SLC24A4: variants seen among roughly 807,000 people sequenced by gnomAD.
SLC24A4 encodes sodium/potassium/calcium exchanger 4.
Under a neutral mutation model 79.0 loss-of-function variants are expected in SLC24A4, and 53 were observed. The ratio of observed to expected loss-of-function variants is 0.67; its 90% CI spans 0.54 to 0.84. SLC24A4 has a LOEUF of 0.84. Among genes scored for constraint, SLC24A4 ranks in the 40% least tolerant of loss-of-function variants. The pLI, the probability that SLC24A4 is intolerant of heterozygous loss-of-function variation, is 0.00. For missense variants in SLC24A4, 731 were observed against 822.0 expected, an observed-to-expected ratio of 0.89 and a Z score of 1.35; for synonymous variants, 323 against 323.8, an observed-to-expected ratio of 1.00 and a Z score of 0.03.
rs939229035 is a variant in SLC24A4 at position 92,433,846 on chromosome 14, G to T, written c.242-66G>T. On this transcript the variant is annotated intron_variant, in intron 2 of 16. Transcript: ENST00000532405. ...GCAGTTCCTTAGTGAACTCTCAGAA[G>T]TCAAGTGAGGTTTGTCGGGAGGCCC... The T allele has an allele frequency of 2.5e-5, 35 of 1,376,382 alleles. No individual in the cohort carries two copies. In the Admixed American group the frequency reaches 5.7e-4, roughly 22 times the overall value. 85.3% of individuals were successfully genotyped at this position (1,376,382 alleles called of 1,614,324 possible).
chr14:92,326,324 C>T (rs559799689), intron 2 of SLC24A4, among the ~76,000 whole-genome samples: 1 of 152,208 alleles, frequency 6.6e-6, no homozygotes, highest in African/African-American at 2.4e-5. Context: ...TCACTGTATC[C>T]ATTACTGGAG....
chr14:92,444,925 A>G (rs905832512), intron 7 of SLC24A4, among the ~76,000 whole-genome samples: 1 of 73,658 alleles, frequency 1.4e-5, no homozygotes, highest in Admixed American at 1.9e-4. Context: ...CCCTATATAC[A>G]CACACATACA....
intron 12 of SLC24A4, among the ~76,000 whole-genome samples, chr14:92,478,588 C>T (rs1360702545): frequency 1.3e-5 from 2 of 151,490 alleles, no homozygotes; most frequent in African/African-American, 2.4e-5. Flanking sequence ...AGCAGTCTCT[C>T]CTGATTACTG....
intron 2 of SLC24A4, among the ~76,000 whole-genome samples, chr14:92,402,557 T>C (rs1890169787): frequency 6.6e-6 from 1 of 152,158 alleles, no homozygotes; most frequent in Non-Finnish European, 1.5e-5. Context: ...TCAATTTTCA[T>C]GGTGCTGATA....
intron 2 of SLC24A4, among the ~76,000 whole-genome samples, chr14:92,399,927 T>G (rs891900612): frequency 1.3e-5 from 2 of 151,568 alleles, no homozygotes; most frequent in Non-Finnish European, 2.9e-5. Flanking sequence ...TGAGACAGAG[T>G]TTTACTCTGT....
intron 4 of SLC24A4, among the ~76,000 whole-genome samples, chr14:92,439,932 G>A (rs550447836): frequency 1.3e-5 from 2 of 152,374 alleles, no homozygotes; most frequent in South Asian, 4.1e-4. Flanking sequence ...AGATCCCAGT[G>A]TATCTCATTG....
At chr14:92,484,009 C>A in intron 13 of SLC24A4, 2 of 985,356 alleles carry the variant, frequency 2.0e-6, no homozygotes, top group Non-Finnish European at 2.4e-6. Context: ...AGCGCTGAAT[C>A]CTAGTCCTAC....
intron 2 of SLC24A4, among the ~76,000 whole-genome samples, chr14:92,342,318 G>T (rs898645995): frequency 2.6e-5 from 4 of 151,720 alleles, no homozygotes; most frequent in Admixed American, 1.3e-4. Context: ...CTGTGGGGGG[G>T]GGGTCTCCAT....
chr14:92,477,161 G>A (rs1277863524), intron 12 of SLC24A4, among the ~76,000 whole-genome samples: 1 of 152,046 alleles, frequency 6.6e-6, no homozygotes, highest in Non-Finnish European at 1.5e-5. Context: ...AATGTATGAC[G>A]GTTCCTATTT....
intron 2 of SLC24A4, among the ~76,000 whole-genome samples, chr14:92,348,572 C>G (rs1259639282): frequency 6.6e-6 from 1 of 152,230 alleles, no homozygotes; most frequent in African/African-American, 2.4e-5. Context: ...GCCCCTTCCA[C>G]TGAATCCACA....
Position 92,501,026 on chromosome 14 carries a change from G to C in SLC24A4, c.*7398G>C, listed in dbSNP as rs915075449. 2.6e-5 allele frequency: 4 copies of C among 152,208 alleles called. No individual in the cohort carries two copies. Among genetic ancestry groups the C allele is most frequent in the African/African-American group, 9.7e-5 (4 of 41,430 alleles). The allele number at this position is 152,208 out of a possible 1,614,324, so 9.4% of individuals were successfully genotyped here. A position where few individuals can be genotyped will look rare whatever the true frequency, so the allele number is the denominator to read the frequency against. On this transcript the variant is annotated 3_prime_UTR_variant, in exon 17 of 17. Coordinates refer to ENST00000532405, the MANE Select transcript of SLC24A4 (RefSeq NM_153646.4). ...CAAATAGCAGGTAGATGGAATCAGAGGACTCTTGTGTCCTGAAAGAACCTC... is the reference window on the plus strand; with the variant it reads ...CAAATAGCAGGTAGATGGAATCAGACGACTCTTGTGTCCTGAAAGAACCTC...
In SLC24A4 at chr14:92,353,480, G is replaced by T. The variant is rs1887000259; in HGVS notation, c.241+27502G>T. Among the ~76,000 whole-genome samples, 1 of 152,160 alleles carries T rather than the reference G, an allele frequency of 6.6e-6. No homozygotes were observed. The highest frequency in any genetic ancestry group is 1.5e-5 in the Non-Finnish European group (1 of 68,032). On this transcript the variant is annotated intron_variant, in intron 2 of 16. Coordinates refer to ENST00000532405, the MANE Select transcript of SLC24A4 (RefSeq NM_153646.4). This position sits in a 1 kb window ranked among gnomAD's most constrained non-coding sequence, Gnocchi z 4.1. ...TCATTTTGACAGATGGTGCCAGAGG[G>T]TCCTCCATCAAGTCTGTACCCATTG...
At chr14:92,448,804 A>G (rs937414056) in intron 9 of SLC24A4, among the ~76,000 whole-genome samples, 11 of 152,212 alleles carry the variant, frequency 7.2e-5, no homozygotes, top group African/African-American at 1.9e-4. Context: ...AGTAGGCCTC[A>G]GTCATTTTCT....
intron 3 of SLC24A4, among the ~76,000 whole-genome samples, chr14:92,438,210 G>A (rs370407037): frequency 1.3e-5 from 2 of 152,152 alleles, no homozygotes; most frequent in Non-Finnish European, 2.9e-5. Flanking sequence ...TCAGGATTCC[G>A]ATGACCCGCT....
At chr14:92,418,200 A>T (rs937059321) in intron 2 of SLC24A4, among the ~76,000 whole-genome samples, 2 of 152,212 alleles carry the variant, frequency 1.3e-5, no homozygotes, top group African/African-American at 2.4e-5. Flanking sequence ...AAGGAGAAAG[A>T]CTGCTCAACA....
intron 6 of SLC24A4, 111 bp downstream of exon 6, chr14:92,442,927 C>A: frequency 2.4e-6 from 2 of 839,060 alleles, no homozygotes; most frequent in Non-Finnish European, 3.9e-6. Flanking sequence ...GACAGCTGAG[C>A]TGGATTCTGG....
rs1895967128 is a variant in SLC24A4, at chr14:92,497,433, T to C, written c.*3805T>C. On this transcript the variant is annotated 3_prime_UTR_variant, in exon 17 of 17. Transcript: ENST00000532405. ...TTTGGGAAGGGTGTGGGGGGTGTCA[T>C]TGCTGGATACCCGTCTTTCTGCCTG... 1 of 152,360 alleles carries C rather than the reference T, an allele frequency of 6.6e-6. No homozygotes were observed. 9.4% of individuals were successfully genotyped at this position (152,360 alleles called of 1,614,324 possible). A position where few individuals can be genotyped will look rare whatever the true frequency, so the allele number is the denominator to read the frequency against.
chr14:92,416,122 G>GGTGTGTGTGTGTGTGT (rs34411259), intron 2 of SLC24A4, among the ~76,000 whole-genome samples: 53 of 148,010 alleles, frequency 3.6e-4, no homozygotes, highest in African/African-American at 1.1e-3. Flanking sequence ...TTGTGTGTGT[G>GGTGTGTGTGTGTGTGT]GTGTGTGTGT....
chr14:92,457,293 T>G (rs1595313656), intron 12 of SLC24A4: 1 of 9,290 alleles, frequency 1.1e-4, no homozygotes. Flanking sequence ...GAACACACTG[T>G]CATTCCTAGA....
Sources: gnomAD v4.1 joint callset for allele counts (sites outside exome capture counted in the v4.1 genomes callset) on GRCh38, gnomAD v4.1.1 for gene constraint, Gnocchi (gnomAD v3.1) non-coding constraint, MANE v1.5 for transcripts, NCBI Gene and HGNC (gene_info 2026-07-23, HGNC 2026-07-21) for gene names.